DGKB: variants seen among roughly 807,000 people sequenced by gnomAD.
DGKB encodes 90 kDa diacylglycerol kinase.
Under a neutral mutation model 114.3 loss-of-function variants are expected in DGKB, and 67 were observed. The observed-to-expected ratio is 0.59, with a 90% CI of 0.48 to 0.72. The LOEUF is 0.72. Among genes scored for constraint, DGKB ranks in the 30% least tolerant of loss-of-function variants. DGKB has a pLI of 0.00. For missense variants in DGKB, 907 were observed against 975.2 expected, an observed-to-expected ratio of 0.93 and a Z score of 0.93; for synonymous variants, 398 against 323.1, an observed-to-expected ratio of 1.23 and a Z score of -2.49.
chr7:14,378,870 G>A (rs1249901053), intron 21 of DGKB, among the ~76,000 whole-genome samples: 1 of 151,664 alleles, frequency 6.6e-6, no homozygotes, highest in Non-Finnish European at 1.5e-5. Flanking sequence ...ATTTAAAAGG[G>A]AAAAAACAAT....
intron 20 of DGKB, among the ~76,000 whole-genome samples, chr7:14,573,079 G>C (rs756576014): frequency 6.6e-6 from 1 of 152,056 alleles, no homozygotes; most frequent in Non-Finnish European, 1.5e-5. Flanking sequence ...TCATTAAAAA[G>C]TACACTTACA....
rs1425277580 is a variant in DGKB at position 14,256,042 on chromosome 7, T to G, written c.2123-77891A>C. ...TAGTGTTCTCTTATGATTCTCCTCA[T>G]TCTTTATTAATCATTCTGTCTAAAT... On this transcript the variant is annotated intron_variant, in intron 23 of 25. Transcript: ENST00000402815. 2.6e-5 allele frequency among the ~76,000 whole-genome samples: 4 copies of G among 152,338 alleles called. No individual in the cohort carries two copies. The South Asian group carries it at 8.3e-4, about 32-fold the overall frequency.
At chr7:14,689,213 T>TTTA (rs1585673506) in intron 9 of DGKB, among the ~76,000 whole-genome samples, 1 of 131,438 alleles carries the variant, frequency 7.6e-6, no homozygotes, top group East Asian at 2.2e-4. Context: ...TTTTTTTTTT[T>TTTA]TTTTTTTTTT....
At chr7:14,307,377 C>T (rs1804661479) in intron 23 of DGKB, among the ~76,000 whole-genome samples, 1 of 152,120 alleles carries the variant, frequency 6.6e-6, no homozygotes, top group Non-Finnish European at 1.5e-5. Flanking sequence ...AGCTTTCATC[C>T]AAGACATTTA....
intron 1 of DGKB, among the ~76,000 whole-genome samples, chr7:14,910,242 AAAAGAAAGAAAGAAAGAAAG>A (rs61063816): frequency 0.069 from 7,639 of 109,956 alleles, 347 homozygotes; most frequent in East Asian, 0.1. Context: ...CTCCATCAAA[AAAAGAAAGAAAGAAAGAAAG>A]AAAGAAAGAA....
chr7:14,153,424 AT>A (rs1782518736), intron 25 of DGKB, among the ~76,000 whole-genome samples: 1 of 151,980 alleles, frequency 6.6e-6, no homozygotes, highest in Admixed American at 6.6e-5. Context: ...ATAATGTCTA[AT>A]TTTGGCCTCC....
intron 2 of DGKB, among the ~76,000 whole-genome samples, chr7:14,827,717 G>T (rs1430839449): frequency 6.6e-6 from 1 of 151,984 alleles, no homozygotes; most frequent in Non-Finnish European, 1.5e-5. Context: ...GACTTATGGG[G>T]GGTATGGTTT....
intron 23 of DGKB, among the ~76,000 whole-genome samples, chr7:14,189,912 C>T (rs1784055982): frequency 4.6e-5 from 7 of 151,970 alleles, no homozygotes; most frequent in Admixed American, 4.6e-4. Context: ...TATAGAGCAA[C>T]CGTTATTAGA....
At position 14,888,364 on chromosome 7, in the gene DGKB, C is replaced by T. The variant is rs190487784; in HGVS notation, c.-188+14228G>A. On this transcript the variant is annotated intron_variant, in intron 1 of 25. Coordinates refer to ENST00000402815, the MANE Select transcript of DGKB (RefSeq NM_001350709.2). The stretch of plus-strand genomic sequence containing the variant: ...TTTCCTGCACAAACATAGCCATACC[C>T]CTCTCACACATACTTAAAAAGTCCT... Among the ~76,000 whole-genome samples, 189 of 151,702 alleles carry T rather than the reference C, an allele frequency of 1.2e-3. 2 individuals are homozygous for T. The highest frequency in any genetic ancestry group is 4.4e-3 in the African/African-American group (183 of 41,464).
intron 17 of DGKB, among the ~76,000 whole-genome samples, chr7:14,594,120 A>G (rs1335553766): frequency 6.6e-6 from 1 of 152,050 alleles, no homozygotes. Flanking sequence ...CTTTGTTGTA[A>G]TTTTGTTTTT....
intron 8 of DGKB, 46 bp from the exon 9 acceptor site, chr7:14,694,240 T>C (rs1361610092): frequency 6.6e-7 from 1 of 1,516,956 alleles, no homozygotes; most frequent in South Asian, 1.2e-5. Flanking sequence ...ACCAATAAAA[T>C]AAATTTCATA....
intron 25 of DGKB, chr7:14,176,114 C>T (rs935070628): frequency 6.5e-6 from 1 of 153,618 alleles, no homozygotes; most frequent in African/African-American, 2.4e-5. Context: ...TAATAACTCT[C>T]ACAGTCTGAA....
chr7:14,389,975 G>C (rs139696765), intron 21 of DGKB, among the ~76,000 whole-genome samples: 2 of 152,256 alleles, frequency 1.3e-5, no homozygotes, highest in Admixed American at 1.3e-4. Flanking sequence ...CCCCTTTAGA[G>C]TGAGACACTT....
chr7:14,319,252 C>A (rs1299308409), intron 23 of DGKB, among the ~76,000 whole-genome samples: 1 of 149,208 alleles, frequency 6.7e-6, no homozygotes, highest in African/African-American at 2.5e-5. Flanking sequence ...CTAACCTGCA[C>A]AATGTGCACA....
chr7:14,223,376 G>C (rs1790292760), intron 23 of DGKB, among the ~76,000 whole-genome samples: 1 of 151,600 alleles, frequency 6.6e-6, no homozygotes, highest in African/African-American at 2.4e-5. Flanking sequence ...ATTCCAGTGA[G>C]ATATAGAACT....
chr7:14,438,909 C>G (rs1300142583), intron 21 of DGKB, among the ~76,000 whole-genome samples: 1 of 150,610 alleles, frequency 6.6e-6, no homozygotes, highest in Non-Finnish European at 1.5e-5. Flanking sequence ...ACTCCCTAAC[C>G]TTTAAATTTC....
intron 10 of DGKB, among the ~76,000 whole-genome samples, chr7:14,683,756 T>C (rs1304744558): frequency 1.3e-5 from 2 of 151,964 alleles, no homozygotes; most frequent in African/African-American, 2.4e-5. Flanking sequence ...CTAAATAATA[T>C]TTATATAGTA....
chr7:14,757,165 G>C (rs1834996397), intron 3 of DGKB, among the ~76,000 whole-genome samples: 1 of 151,796 alleles, frequency 6.6e-6, no homozygotes, highest in South Asian at 2.1e-4. Flanking sequence ...ATCCTTCTTT[G>C]GTCAAGGAAA....
At chr7:14,965,435 A>G (rs1399189526) in intron 1 of DGKB, among the ~76,000 whole-genome samples, 1 of 152,124 alleles carries the variant, frequency 6.6e-6, no homozygotes, top group African/African-American at 2.4e-5. Flanking sequence ...AGTAGATGGA[A>G]TTTATTAAGA....
Sources: gnomAD v4.1 joint callset for allele counts (sites outside exome capture counted in the v4.1 genomes callset) on GRCh38, gnomAD v4.1.1 for gene constraint, MANE v1.5 for transcripts, NCBI Gene and HGNC (gene_info 2026-07-23, HGNC 2026-07-21) for gene names.